The following PHF21B variants were observed in gnomAD, a reference collection of about 807,000 sequenced individuals.
The protein encoded by PHF21B is PHD finger protein 4.
In PHF21B, 22 loss-of-function variants were observed where a neutral mutation model predicts 62.2. That is an observed-to-expected ratio of 0.35 (90% CI 0.25 to 0.51). PHF21B has a LOEUF of 0.51. Among genes scored for constraint, PHF21B ranks in the 20% least tolerant of loss-of-function variants. PHF21B has a pLI of 0.97. For synonymous variants in PHF21B, 341 were observed against 314.7 expected (o/e 1.08, Z -0.88); for missense variants, 701 against 707.9 (o/e 0.99, Z 0.11).
At position 44,916,564 on chromosome 22, in the gene PHF21B, G is replaced by A; in HGVS notation, c.280C>T (p.Gln94Ter). 1 of 1,608,026 alleles carries A rather than the reference G, an allele frequency of 6.2e-7. No individual in the cohort carries two copies. The highest frequency in any genetic ancestry group is 8.5e-7 in the Non-Finnish European group (1 of 1,179,910). ...GTGGCCTTCTGGAATGTTGGGGGCT[G>A]CTTGGGTGGCCGGTCCCGGCCCGGG... The part of the protein sequence containing the change: ...VAPGRDRPPK[Q>*]PPTFQKATVV... The change falls in exon 4 of 13, where the codon CAG becomes TAG. Residue 94 changes from glutamine to a stop codon, truncating the protein, a stop_gained. Coordinates refer to ENST00000313237, the MANE Select transcript of PHF21B (RefSeq NM_138415.5). LOFTEE classifies it high-confidence loss of function.
intron 2 of PHF21B, among the ~76,000 whole-genome samples, chr22:44,970,344 T>C (rs1207317266): frequency 6.6e-6 from 1 of 152,186 alleles, no homozygotes; most frequent in Non-Finnish European, 1.5e-5. Context: ...CCTAGTTCAT[T>C]CTGCAAAGCC....
At chr22:45,004,034 G>A (rs1002590388) in intron 2 of PHF21B, among the ~76,000 whole-genome samples, 1 of 152,040 alleles carries the variant, frequency 6.6e-6, no homozygotes, top group Non-Finnish European at 1.5e-5. Flanking sequence ...GCCCAGAACA[G>A]GCAACTCTAG....
At chr22:44,897,291 C>T (rs2071078047) in intron 5 of PHF21B, among the ~76,000 whole-genome samples, 1 of 152,090 alleles carries the variant, frequency 6.6e-6, no homozygotes, top group South Asian at 2.1e-4. Context: ...GAATGGCCCC[C>T]GAGCCCCTAC....
At chr22:44,968,571 G>A (rs976506496) in intron 2 of PHF21B, among the ~76,000 whole-genome samples, 1 of 149,820 alleles carries the variant, frequency 6.7e-6, no homozygotes, top group African/African-American at 2.5e-5. Context: ...TTGAACCTGG[G>A]AGGCAGAGGT....
intron 2 of PHF21B, chr22:45,001,002 T>C (rs1016544534): frequency 6.6e-6 from 1 of 152,228 alleles, no homozygotes; most frequent in Non-Finnish European, 1.5e-5. Context: ...AGAGGCAGAA[T>C]GGCTTGCCCA....
chr22:44,918,196 A>G (rs1341382339), intron 3 of PHF21B, among the ~76,000 whole-genome samples: 1 of 152,232 alleles, frequency 6.6e-6, no homozygotes, highest in Non-Finnish European at 1.5e-5. Context: ...TCCGCCTCTG[A>G]AGAGGACTGG....
intron 12 of PHF21B, among the ~76,000 whole-genome samples, chr22:44,885,188 A>C (rs1056388441): frequency 6.6e-5 from 10 of 152,366 alleles, no homozygotes; most frequent in African/African-American, 2.4e-4. Context: ...TGTGGTTCTA[A>C]GGACACATCT....
rs2070767028 is a variant in PHF21B at position 44,883,110 on chromosome 22, G to T, written c.1572C>A (p.Val524=). 3 of 1,611,944 alleles carry T rather than the reference G, an allele frequency of 1.9e-6. No homozygotes were observed. The highest frequency in any genetic ancestry group is 2.5e-6 in the Non-Finnish European group (3 of 1,179,854). The change falls in exon 13 of 13, where the codon GTC becomes GTA. Residue 524 remains valine, a synonymous_variant. Transcript: ENST00000313237. ...KPSVAATHPT[V]QHPQGHN is the part of the protein sequence containing the mutation. ...GTCAGTTGTGGCCCTGGGGGTGCTGGACGGTGGGGTGTGTGGCTGCCACTG... is the reference window on the plus strand; with the variant it reads ...GTCAGTTGTGGCCCTGGGGGTGCTGTACGGTGGGGTGTGTGGCTGCCACTG...
intron 2 of PHF21B, among the ~76,000 whole-genome samples, chr22:44,935,466 T>G (rs183915414): frequency 3.3e-5 from 5 of 151,888 alleles, no homozygotes; most frequent in Admixed American, 2.6e-4. Context: ...CACAAAAAAT[T>G]AGCCGGGCGT....
At chr22:44,983,587 G>T (rs963520762) in intron 2 of PHF21B, among the ~76,000 whole-genome samples, 3 of 152,314 alleles carry the variant, frequency 2.0e-5, no homozygotes, top group Non-Finnish European at 4.4e-5. Flanking sequence ...GGGAGGCTTA[G>T]CACATCATCT....
intron 7 of PHF21B, 108 bp downstream of exon 7, chr22:44,893,349 A>AG (rs952103302): frequency 4.3e-5 from 44 of 1,027,800 alleles, no homozygotes; most frequent in Non-Finnish European, 6.0e-5. Flanking sequence ...GGGACAGACG[A>AG]GGGGGGTGCT....
chr22:44,943,589 G>C (rs565427342), intron 2 of PHF21B, among the ~76,000 whole-genome samples: 2 of 151,970 alleles, frequency 1.3e-5, no homozygotes, highest in African/African-American at 4.8e-5. Context: ...CTAGAGTCCT[G>C]GCAGCTGGCT....
At chr22:44,939,101 T>A (rs1000119172) in intron 2 of PHF21B, among the ~76,000 whole-genome samples, 1 of 152,194 alleles carries the variant, frequency 6.6e-6, no homozygotes, top group Non-Finnish European at 1.5e-5. Context: ...TCCTGCCTTC[T>A]GCCAAGACCC....
At chr22:44,946,507 T>TGGATGAAAGGGTGGAC (rs2072075092) in intron 2 of PHF21B, among the ~76,000 whole-genome samples, 1 of 151,732 alleles carries the variant, frequency 6.6e-6, no homozygotes, top group East Asian at 1.9e-4. Flanking sequence ...TTATTATGGA[T>TGGATGAAAGGGTGGAC]GGATGAAAGG....
At chr22:44,973,556 C>T (rs2072678936) in intron 2 of PHF21B, among the ~76,000 whole-genome samples, 1 of 152,158 alleles carries the variant, frequency 6.6e-6, no homozygotes, top group Non-Finnish European at 1.5e-5. Context: ...TACCTCAAGA[C>T]TTAAAACCTA....
chr22:44,887,951 A>G lies in PHF21B; in HGVS notation c.1197+12T>C, dbSNP rs757440927. On this transcript the variant is annotated intron_variant, in intron 10 of 12. Coordinates refer to ENST00000313237, the MANE Select transcript of PHF21B (RefSeq NM_138415.5). ...CCAGTCTGGGGTGAGGGGGTCACAC[A>G]GCCTCCTGTACCTTCTGCTGGCACC... The G allele has an allele frequency of 4.4e-5, 65 of 1,469,436 alleles. 1 individual carries two copies. Among genetic ancestry groups the G allele is most frequent in the Middle Eastern group, 4.3e-4 (2 of 4,666 alleles). 91.0% of individuals were successfully genotyped at this position (1,469,436 alleles called of 1,614,324 possible).
At chr22:44,918,764 C>G (rs2071484076) in intron 3 of PHF21B, among the ~76,000 whole-genome samples, 1 of 152,220 alleles carries the variant, frequency 6.6e-6, no homozygotes, top group African/African-American at 2.4e-5. Context: ...AACATGGAGA[C>G]AGAGGTCCAG....
chr22:44,931,268 G>A (rs117158375), intron 2 of PHF21B, among the ~76,000 whole-genome samples: 4 of 152,074 alleles, frequency 2.6e-5, no homozygotes, highest in East Asian at 1.9e-4. Flanking sequence ...CTCATGTCTC[G>A]CTCCGAGGCA....
At chr22:44,979,509 G>C (rs1050850779) in intron 2 of PHF21B, among the ~76,000 whole-genome samples, 2 of 152,340 alleles carry the variant, frequency 1.3e-5, no homozygotes, top group South Asian at 4.1e-4. Flanking sequence ...GCCAGTGGCA[G>C]AAAGGAAAGG....
Sources: gnomAD v4.1 joint callset for allele counts (sites outside exome capture counted in the v4.1 genomes callset) on GRCh38, gnomAD v4.1.1 for gene constraint, MANE v1.5 for transcripts, NCBI Gene and HGNC (gene_info 2026-07-23, HGNC 2026-07-21) for gene names.